The following ZBTB21 variants were observed in gnomAD, a reference collection of about 807,000 sequenced individuals.
The protein encoded by ZBTB21 is zinc finger and BTB domain-containing protein 21.
Under a neutral mutation model 39.8 loss-of-function variants are expected in ZBTB21, and 10 were observed. The ratio of observed to expected loss-of-function variants is 0.25; its 90% CI spans 0.16 to 0.43. ZBTB21 has a LOEUF of 0.43. Among genes scored for constraint, ZBTB21 ranks in the 20% least tolerant of loss-of-function variants. ZBTB21 has a pLI of 1.00. For synonymous variants in ZBTB21, 551 were observed against 498.8 expected (o/e 1.10, Z -1.40); for missense variants, 1,221 against 1,296.3 (o/e 0.94, Z 0.89).
chr21:41,997,453 G>A (rs2065762008), intron 2 of ZBTB21, among the ~76,000 whole-genome samples: 1 of 151,886 alleles, frequency 6.6e-6, no homozygotes, highest in Admixed American at 6.6e-5. Flanking sequence ...GCATGTGCCT[G>A]TAATCCCAGC....
chr21:41,991,071 C>T lies in ZBTB21; in HGVS notation c.3025G>A (p.Glu1009Lys), dbSNP rs1455743977. 13 of 1,593,712 alleles carry T rather than the reference C, an allele frequency of 8.2e-6. No individual in the cohort carries two copies. The highest frequency in any genetic ancestry group is 2.3e-5 in the South Asian group (2 of 88,324). Reference sequence around the variant, plus strand: ...TTTTCTGTGGCTGGAGTTGGGTTTTCGGACAGGCCTGTGGGGCTGTCAGGC... The same window carrying T: ...TTTTCTGTGGCTGGAGTTGGGTTTTTGGACAGGCCTGTGGGGCTGTCAGGC... ...LEPDSPTGLS[E>K]NPTPATEKLF... The change falls in exon 3 of 3, where the codon GAA becomes AAA. Residue 1009 changes from glutamate (E) to lysine (K), a missense_variant. Physicochemically the swap from Glu to Lys is moderately conservative, Grantham distance 56 (BLOSUM62 1). Coordinates refer to ENST00000310826, the MANE Select transcript of ZBTB21 (RefSeq NM_001098402.2). The surrounding 1 kb of genome is among the most constrained non-coding windows in gnomAD (Gnocchi z 4.9).
At chr21:41,998,619 G>A (rs1431988125) in intron 2 of ZBTB21, among the ~76,000 whole-genome samples, 1 of 152,196 alleles carries the variant, frequency 6.6e-6, no homozygotes, top group Non-Finnish European at 1.5e-5. Context: ...AACTGTAGAT[G>A]AACCAAACTT....
rs1409886975 is a variant in ZBTB21, at chr21:41,990,035, G to A, written c.*860C>T. 6.6e-6 allele frequency: 1 copy of A among 152,094 alleles called. No homozygotes were observed. The allele number at this position is 152,094 out of a possible 1,614,324, so 9.4% of individuals were successfully genotyped here. The stretch of plus-strand genomic sequence containing the variant: ...CTAACTACACTCAGATTTTCAATTT[G>A]TGACAGCATAAATCAGAGGAAATGA... On this transcript the variant is annotated 3_prime_UTR_variant, in exon 3 of 3. Coordinates refer to ENST00000310826, the MANE Select transcript of ZBTB21 (RefSeq NM_001098402.2).
At chr21:41,997,587 A>C (rs867735675) in intron 2 of ZBTB21, among the ~76,000 whole-genome samples, 8 of 134,944 alleles carry the variant, frequency 5.9e-5, no homozygotes, top group South Asian at 2.6e-4. Context: ...AAAAAAAAAA[A>C]AACAAAAAAA....
intron 2 of ZBTB21, among the ~76,000 whole-genome samples, chr21:41,999,753 G>T (rs1462239235): frequency 1.3e-5 from 2 of 152,190 alleles, no homozygotes; most frequent in African/African-American, 4.8e-5. Context: ...ACAACAAAGG[G>T]AGAAGCTAAG....
At chr21:41,999,943 T>C (rs1471498715) in intron 2 of ZBTB21, among the ~76,000 whole-genome samples, 1 of 152,204 alleles carries the variant, frequency 6.6e-6, no homozygotes, top group Non-Finnish European at 1.5e-5. Flanking sequence ...CTGAATTACA[T>C]TTCCAAAGGA....
At chr21:42,007,576 G>C (rs1280735938) in intron 1 of ZBTB21, among the ~76,000 whole-genome samples, 1 of 151,620 alleles carries the variant, frequency 6.6e-6, no homozygotes, top group African/African-American at 2.4e-5. Flanking sequence ...CAAAGCTTTT[G>C]TAATTTGCCC....
At chr21:41,997,394 G>A (rs9974586) in intron 2 of ZBTB21, among the ~76,000 whole-genome samples, 2 of 152,080 alleles carry the variant, frequency 1.3e-5, no homozygotes, top group African/African-American at 4.8e-5. Context: ...TGGCCAACAT[G>A]GTGAAATTCC....
chr21:41,996,871 T>C (rs1418130685), intron 2 of ZBTB21, among the ~76,000 whole-genome samples: 2 of 152,188 alleles, frequency 1.3e-5, no homozygotes, highest in Admixed American at 6.5e-5. Flanking sequence ...GGAGAGCTGA[T>C]GGTTTCATAA....
chr21:41,994,674 C>T lies in ZBTB21; in HGVS notation c.-13-566G>A, dbSNP rs145833556. ...GCAGTGGCACCATGATGGCTCACTG[C>T]AGCCTCAATCTCCTGGGCTCAAGCA... On this transcript the variant is annotated intron_variant, in intron 2 of 2. Coordinates refer to ENST00000310826, the MANE Select transcript of ZBTB21 (RefSeq NM_001098402.2). 7.7e-4 allele frequency among the ~76,000 whole-genome samples: 118 copies of T among 152,322 alleles called. No homozygotes were observed. The East Asian group carries it at 0.021, about 27-fold the overall frequency.
intron 2 of ZBTB21, among the ~76,000 whole-genome samples, chr21:42,001,773 A>G (rs2065820273): frequency 1.3e-5 from 2 of 152,210 alleles, no homozygotes; most frequent in Admixed American, 1.3e-4. Flanking sequence ...TATTAACTCA[A>G]TATTGACATC....
At chr21:42,005,793 A>C (rs143788389) in intron 1 of ZBTB21, among the ~76,000 whole-genome samples, 7 of 152,340 alleles carry the variant, frequency 4.6e-5, no homozygotes, top group Non-Finnish European at 1.0e-4. Flanking sequence ...TTTATCTGAA[A>C]TATAGGGGTG....
intron 1 of ZBTB21, among the ~76,000 whole-genome samples, chr21:42,003,709 A>G (rs2065844760): frequency 6.6e-6 from 1 of 152,238 alleles, no homozygotes. Flanking sequence ...TCAAAATCCC[A>G]AACAATCTGA....
chr21:41,999,576 A>C (rs2065792615), intron 2 of ZBTB21, among the ~76,000 whole-genome samples: 1 of 152,240 alleles, frequency 6.6e-6, no homozygotes, highest in Non-Finnish European at 1.5e-5. Context: ...TGGGAATTAA[A>C]TAAGATAATA....
chr21:41,996,594 T>C (rs2146302734), intron 2 of ZBTB21, among the ~76,000 whole-genome samples: 1 of 152,372 alleles, frequency 6.6e-6, no homozygotes, highest in African/African-American at 2.4e-5. Flanking sequence ...GAAGAGACTT[T>C]GGTCTGTGGA....
At chr21:42,000,712 C>T (rs2146320573) in intron 2 of ZBTB21, among the ~76,000 whole-genome samples, 1 of 152,318 alleles carries the variant, frequency 6.6e-6, no homozygotes, top group Admixed American at 6.5e-5. Flanking sequence ...AGACCTCTAT[C>T]TTCTTTGGAT....
At position 41,993,914 on chromosome 21, in the gene ZBTB21, T is replaced by C. The variant is rs777416725; in HGVS notation, c.182A>G (p.Asn61Ser). ...SSEYFQSLFTNKENESQTVFQ... is the reference protein window; with the variant it reads ...SSEYFQSLFTSKENESQTVFQ... ...TACAGTTTGTGACTCATTTTCCTTA[T>C]TTGTGAATAAACTCTGAAAGTATTC... Residue 61 changes from asparagine (N) to serine (S), a missense_variant, in exon 3 of 3, where the codon AAT becomes AGT. Transcript: ENST00000310826. 1.2e-6 allele frequency: 2 copies of C among 1,614,194 alleles called. No homozygotes were observed. Among genetic ancestry groups the C allele is most frequent in the Non-Finnish European group, 1.7e-6 (2 of 1,180,022 alleles).
At chr21:42,008,542 A>C (rs1171324446) in intron 1 of ZBTB21, among the ~76,000 whole-genome samples, 2 of 57,222 alleles carry the variant, frequency 3.5e-5, no homozygotes, top group Admixed American at 1.5e-4. Flanking sequence ...AACTCTGTCA[A>C]AAAAAAAAAA....
chr21:42,007,402 T>C (rs1399626541), intron 1 of ZBTB21, among the ~76,000 whole-genome samples: 2 of 152,226 alleles, frequency 1.3e-5, no homozygotes, highest in African/African-American at 4.8e-5. Context: ...ACAAGACTTT[T>C]CATACTCTGG....
Sources: allele counts gnomAD v4.1 joint callset (sites outside exome capture counted in the v4.1 genomes callset), GRCh38; gene constraint gnomAD v4.1.1; non-coding constraint Gnocchi (gnomAD v3.1); transcripts MANE v1.5; gene names NCBI Gene and HGNC (gene_info 2026-07-23, HGNC 2026-07-21).